TRIO: variants seen among roughly 807,000 people sequenced by gnomAD.
TRIO encodes the protein triple functional domain protein.
Under a neutral mutation model 351.9 loss-of-function variants are expected in TRIO, and 58 were observed. The observed-to-expected ratio is 0.16, with a 90% CI of 0.13 to 0.21. The LOEUF (loss-of-function observed/expected upper bound fraction) is 0.21. Ranked by LOEUF, TRIO falls within the 10% of genes least tolerant of loss-of-function variation. TRIO has a pLI of 1.00. For missense variants in TRIO, 3,201 were observed against 4,027.8 expected (o/e 0.79, Z 5.56); for synonymous variants, 1,758 against 1,595.7 (o/e 1.10, Z -2.42).
intron 13 of TRIO, among the ~76,000 whole-genome samples, chr5:14,362,144 C>T (rs571583299): frequency 7.2e-5 from 11 of 152,108 alleles, no homozygotes; most frequent in African/African-American, 2.7e-4. Flanking sequence ...AAAGCTATAC[C>T]GAAGCACAGA....
rs564056199 is a variant in TRIO, at chr5:14,436,683, T to C, written c.5203+16662T>C. Among the ~76,000 whole-genome samples, 8 of 152,208 alleles carry C rather than the reference T, an allele frequency of 5.3e-5. No individual in the cohort carries two copies. In the East Asian group the frequency reaches 1.5e-3, roughly 29 times the overall value. On this transcript the variant is annotated intron_variant, in intron 34 of 56. Coordinates refer to ENST00000344204, the MANE Select transcript of TRIO (RefSeq NM_007118.4). ...ATACAGCCATTCCAAATGGAAGAAA[T>C]TGGCCAAAACAAAGGGGCTACAGAC...
intron 2 of TRIO, among the ~76,000 whole-genome samples, chr5:14,271,152 T>C (rs917628237): frequency 7.2e-5 from 11 of 152,234 alleles, no homozygotes; most frequent in Admixed American, 5.9e-4. Context: ...CAACAAAAAT[T>C]CAGCTGTTCT....
At chr5:14,148,952 T>C (rs978532090) in intron 1 of TRIO, among the ~76,000 whole-genome samples, 7 of 152,238 alleles carry the variant, frequency 4.6e-5, no homozygotes, top group Admixed American at 2.0e-4. Flanking sequence ...ATTCCAGTTC[T>C]GCTGACGCGC....
chr5:14,432,608 C>CT (rs1176689976), intron 34 of TRIO, among the ~76,000 whole-genome samples: 1 of 152,152 alleles, frequency 6.6e-6, no homozygotes, highest in East Asian at 1.9e-4. Context: ...TAATGGAAAT[C>CT]TTTTTTTCAT....
chr5:14,506,439 CT>C (rs1187717997), intron 55 of TRIO, among the ~76,000 whole-genome samples: 1 of 152,224 alleles, frequency 6.6e-6, no homozygotes, highest in East Asian at 1.9e-4. Flanking sequence ...CAGTCCAATC[CT>C]GGCTTCTCCA....
rs564702433 is a variant in TRIO at position 14,508,446 on chromosome 5, T to C, written c.*24T>C. ...GACCTATCCAGAAGTTCTTTCTCAT[T>C]CTCTTTCACCTGCCAATCAGCTGTT... On this transcript the variant is annotated 3_prime_UTR_variant, in exon 57 of 57. Coordinates refer to ENST00000344204, the MANE Select transcript of TRIO (RefSeq NM_007118.4). 8 of 1,558,768 alleles carry C rather than the reference T, an allele frequency of 5.1e-6. No homozygotes were observed. The African/African-American group carries it at 1.1e-4, about 21-fold the overall frequency.
intron 32 of TRIO, 68 bp downstream of exon 32, chr5:14,406,058 C>T: frequency 6.4e-7 from 1 of 1,553,992 alleles, no homozygotes; most frequent in East Asian, 2.3e-5. Context: ...GTTAGCTCAC[C>T]CTGCTTCAAA....
intron 1 of TRIO, among the ~76,000 whole-genome samples, chr5:14,150,471 A>C (rs1359288721): frequency 2.6e-5 from 4 of 152,202 alleles, no homozygotes. Flanking sequence ...TTAAAATGTG[A>C]CATTAAAAAA....
chr5:14,450,872 C>T (rs913258490), intron 34 of TRIO, among the ~76,000 whole-genome samples: 5 of 152,184 alleles, frequency 3.3e-5, no homozygotes, highest in African/African-American at 9.7e-5. Context: ...TCTGGTGTTT[C>T]AACCCCTGAT....
chr5:14,498,031 G>T, intron 51 of TRIO, 58 bp from the exon 52 acceptor site: 1 of 1,612,296 alleles, frequency 6.2e-7, no homozygotes, highest in South Asian at 1.1e-5. Flanking sequence ...GGACATGTGG[G>T]TGGGTGTGGA....
rs1054567039 is a variant in TRIO, at chr5:14,143,695, G to GGCGGGCGCGGCC, written c.-22_-11dup. 6.2e-6 allele frequency: 6 copies of GGCGGGCGCGGCC among 972,414 alleles called. No homozygotes were observed. In the Admixed American group the frequency reaches 3.8e-4, roughly 62 times the overall value. The allele number at this position is 972,414 out of a possible 1,614,324, so 60.2% of individuals were successfully genotyped here. Reference sequence around the variant, plus strand: ...GCGGCGCTAGGGGCGCGGGGCCCGAGGCGGGCGCGGCCGCGGGCGCCGCCG... The same window carrying GGCGGGCGCGGCC: ...GCGGCGCTAGGGGCGCGGGGCCCGAGGCGGGCGCGGCCGCGGGCGCGGCCGCGGGCGCCGCCG... On this transcript the variant is annotated 5_prime_UTR_variant, in exon 1 of 57. Transcript: ENST00000344204.
At chr5:14,406,070 A>G (rs1182592100) in intron 32 of TRIO, 80 bp downstream of exon 32, 6 of 1,539,560 alleles carry the variant, frequency 3.9e-6, no homozygotes, top group South Asian at 3.6e-5. Flanking sequence ...TGCTTCAAAA[A>G]TCCTTTCTCT....
At chr5:14,401,689 C>T (rs983122893) in intron 31 of TRIO, among the ~76,000 whole-genome samples, 1 of 152,198 alleles carries the variant, frequency 6.6e-6, no homozygotes, top group African/African-American at 2.4e-5. Flanking sequence ...TTTGATTATA[C>T]TAACCTCTCC....
At chr5:14,296,949 T>C in intron 6 of TRIO, 123 bp from the exon 7 acceptor site, 1 of 691,992 alleles carries the variant, frequency 1.4e-6, no homozygotes. Context: ...CAGGTGATGC[T>C]CCTGGGAGAG....
intron 1 of TRIO, among the ~76,000 whole-genome samples, chr5:14,172,995 C>T (rs899119700): frequency 6.6e-6 from 1 of 152,162 alleles, no homozygotes; most frequent in African/African-American, 2.4e-5. Flanking sequence ...GGCCCACCCA[C>T]CAGCCCCTCT....
chr5:14,477,585 GT>G (rs1755178087), intron 41 of TRIO, among the ~76,000 whole-genome samples: 1 of 152,134 alleles, frequency 6.6e-6, no homozygotes, highest in African/African-American at 2.4e-5. Context: ...TAATTACATA[GT>G]TTTCTTAGAC....
intron 8 of TRIO, among the ~76,000 whole-genome samples, chr5:14,307,762 A>C (rs1347012699): frequency 1.3e-5 from 2 of 152,200 alleles, no homozygotes; most frequent in African/African-American, 4.8e-5. Context: ...GTTTCCACTG[A>C]GGATTTCTGC....
intron 8 of TRIO, among the ~76,000 whole-genome samples, chr5:14,309,543 T>G (rs1211343076): frequency 2.0e-5 from 3 of 152,226 alleles, no homozygotes; most frequent in East Asian, 3.9e-4. Flanking sequence ...TTGAGTGTCT[T>G]GGCTTAAAAT....
At chr5:14,251,001 G>T (rs1794709859) in intron 1 of TRIO, among the ~76,000 whole-genome samples, 1 of 152,170 alleles carries the variant, frequency 6.6e-6, no homozygotes, top group African/African-American at 2.4e-5. Flanking sequence ...AGAGGAGGGG[G>T]CGAGGGGAAC....
Sources: gnomAD v4.1 joint callset for allele counts (sites outside exome capture counted in the v4.1 genomes callset) on GRCh38, gnomAD v4.1.1 for gene constraint, MANE v1.5 for transcripts, NCBI Gene and HGNC (gene_info 2026-07-23, HGNC 2026-07-21) for gene names.